Variants in DENND2A observed in about 807,000 individuals in gnomAD.
DENND2A encodes DENN domain containing 2A, also known as DENN domain-containing protein 2A.
A neutral mutation model predicts 105.3 loss-of-function variants in DENND2A; 53 were observed. That is an observed-to-expected ratio of 0.50 (90% CI 0.40 to 0.63). DENND2A has a LOEUF of 0.63. Ranked by LOEUF, DENND2A falls within the 30% of genes least tolerant of loss-of-function variation. The pLI, the probability that DENND2A is intolerant of heterozygous loss-of-function variation, is 0.00. For synonymous variants in DENND2A, 522 were observed against 508.4 expected, an observed-to-expected ratio of 1.03 and a Z score of -0.36; for missense variants, 1,138 against 1,279.6, an observed-to-expected ratio of 0.89 and a Z score of 1.69.
intron 3 of DENND2A, among the ~76,000 whole-genome samples, chr7:140,598,908 A>T (rs1238870377): frequency 6.6e-6 from 1 of 152,218 alleles, no homozygotes; most frequent in African/African-American, 2.4e-5. Context: ...GTTTATAATT[A>T]CTAAAAAGGA....
At chr7:140,585,485 A>C in intron 5 of DENND2A, 104 bp downstream of exon 5, 7 of 1,495,150 alleles carry the variant, frequency 4.7e-6, no homozygotes, top group Non-Finnish European at 6.4e-6. Context: ...CCGGCAGGGC[A>C]GGTGGAGGTG....
chr7:140,525,125 C>T lies in DENND2A; in HGVS notation c.2547+626G>A, dbSNP rs181703538. 2.7e-3 allele frequency among the ~76,000 whole-genome samples: 399 copies of T among 147,816 alleles called. 4 individuals carry two copies. Among genetic ancestry groups the T allele is most frequent in the African/African-American group, 9.3e-3 (368 of 39,714 alleles). ...TCACTTGAGGCCAGGAGTTTGAGACCGGCCTGGGCAACATAGTGAGACCCT... is the reference window on the plus strand; with the variant it reads ...TCACTTGAGGCCAGGAGTTTGAGACTGGCCTGGGCAACATAGTGAGACCCT... On this transcript the variant is annotated intron_variant, in intron 16 of 19. Transcript: ENST00000496613.
chr7:140,592,487 A>T (rs1209977376), intron 3 of DENND2A, among the ~76,000 whole-genome samples: 2 of 152,132 alleles, frequency 1.3e-5, no homozygotes, highest in Non-Finnish European at 2.9e-5. Context: ...CTGGGATTAC[A>T]GGTGAGAGCC....
At chr7:140,582,822 TGGTAC>T (rs1422186678) in intron 5 of DENND2A, among the ~76,000 whole-genome samples, 1 of 152,256 alleles carries the variant, frequency 6.6e-6, no homozygotes, top group African/African-American at 2.4e-5. Context: ...CCTTTGCAGC[TGGTAC>T]TTGGCCTTCC....
intron 5 of DENND2A, among the ~76,000 whole-genome samples, chr7:140,580,126 T>C (rs1264765870): frequency 6.6e-6 from 1 of 152,110 alleles, no homozygotes; most frequent in Non-Finnish European, 1.5e-5. Flanking sequence ...AATGTAAATC[T>C]ATTACAGAAA....
chr7:140,636,077 C>T (rs1029998756), intron 1 of DENND2A, among the ~76,000 whole-genome samples: 1 of 152,108 alleles, frequency 6.6e-6, no homozygotes, highest in African/African-American at 2.4e-5. Context: ...TCAAGAGAGT[C>T]TGGGGTACAA....
chr7:140,561,802 A>C (rs1797630573), intron 9 of DENND2A, among the ~76,000 whole-genome samples: 1 of 151,818 alleles, frequency 6.6e-6, no homozygotes, highest in African/African-American at 2.4e-5. Context: ...GGCATGAGCC[A>C]CGGTGTTTGG....
At chr7:140,626,536 A>C (rs1800539499) in intron 1 of DENND2A, among the ~76,000 whole-genome samples, 1 of 152,090 alleles carries the variant, frequency 6.6e-6, no homozygotes, top group African/African-American at 2.4e-5. Flanking sequence ...AATGGAATGC[A>C]CCCGTAGGTC....
Position 140,527,817 on chromosome 7 carries a change from A to ATTAT in DENND2A, c.2328-326_2328-323dup, listed in dbSNP as rs1554459356. Among the ~76,000 whole-genome samples, 14 of 109,832 alleles carry ATTAT rather than the reference A, an allele frequency of 1.3e-4. No individual in the cohort carries two copies. The highest frequency in any genetic ancestry group is 7.7e-4 in the South Asian group (3 of 3,916). The allele number at this position is 109,832 out of a possible 152,430, so 72.1% of individuals were successfully genotyped here. On this transcript the variant is annotated intron_variant, in intron 14 of 19. Coordinates refer to ENST00000496613, the MANE Select transcript of DENND2A (RefSeq NM_015689.5). This position sits in a 1 kb window ranked among gnomAD's most constrained non-coding sequence, Gnocchi z 4.9. The stretch of plus-strand genomic sequence containing the variant: ...CTATACTCTTGTAAGGTTTTTATTT[A>ATTAT]TTATTTATTTATTTATTTATATTTT...
chr7:140,552,978 TA>T (rs1232702731), intron 12 of DENND2A, among the ~76,000 whole-genome samples: 1 of 152,154 alleles, frequency 6.6e-6, no homozygotes, highest in Non-Finnish European at 1.5e-5. Flanking sequence ...GAAATGCTTT[TA>T]GGGGTGAAGG....
chr7:140,582,724 C>T (rs1798593858), intron 5 of DENND2A, among the ~76,000 whole-genome samples: 1 of 152,136 alleles, frequency 6.6e-6, no homozygotes, highest in East Asian at 1.9e-4. Flanking sequence ...CCCCACCTGC[C>T]AGCGATGCTG....
chr7:140,539,784 G>A (rs1237506445), intron 14 of DENND2A, among the ~76,000 whole-genome samples: 3 of 152,196 alleles, frequency 2.0e-5, no homozygotes, highest in Non-Finnish European at 2.9e-5. Flanking sequence ...TTGCTCACGC[G>A]TTGTTTACCC....
chr7:140,544,727 G>A lies in DENND2A; in HGVS notation c.2218C>T (p.His740Tyr). The change falls in exon 14 of 20, where the codon CAC becomes TAC. Residue 740 changes from histidine (H) to tyrosine (Y), a missense_variant. His to Tyr is a moderately conservative substitution (Grantham distance 83). Coordinates refer to ENST00000496613, the MANE Select transcript of DENND2A (RefSeq NM_015689.5). ...LCRPLDSRLE[H>Y]VDFESLFSSL... ...GAGAAGAGAGACTCAAAGTCCACGT[G>A]CTCGAGCCGGGAGTCCAGCGGGCGG... 6.2e-7 allele frequency: 1 copy of A among 1,604,588 alleles called. No homozygotes were observed. The highest frequency in any genetic ancestry group is 8.5e-7 in the Non-Finnish European group (1 of 1,175,840).
intron 2 of DENND2A, among the ~76,000 whole-genome samples, chr7:140,603,359 T>G (rs1409540925): frequency 6.6e-6 from 1 of 152,222 alleles, no homozygotes; most frequent in Non-Finnish European, 1.5e-5. Flanking sequence ...TTCCTGCTTT[T>G]CTTATCCACA....
intron 1 of DENND2A, among the ~76,000 whole-genome samples, chr7:140,635,726 C>T (rs961689548): frequency 7.2e-5 from 11 of 152,284 alleles, no homozygotes; most frequent in Admixed American, 3.3e-4. Context: ...GGGTCTCAGG[C>T]TTATCTGTTC....
intron 9 of DENND2A, among the ~76,000 whole-genome samples, chr7:140,561,628 C>T (rs1413136023): frequency 2.0e-5 from 3 of 149,868 alleles, no homozygotes; most frequent in East Asian, 2.0e-4. Flanking sequence ...CTCAGCCTCC[C>T]GAGTAGCTGG....
chr7:140,623,541 A>G (rs57021669), intron 1 of DENND2A, among the ~76,000 whole-genome samples: 46,502 of 151,254 alleles, frequency 0.31, 7,239 homozygotes, highest in Middle Eastern at 0.36. Context: ...CAGCCTGGCC[A>G]ACATGGTGAA....
intron 4 of DENND2A, among the ~76,000 whole-genome samples, chr7:140,586,246 C>G (rs190327633): frequency 6.6e-6 from 1 of 151,836 alleles, no homozygotes; most frequent in Non-Finnish European, 1.5e-5. Context: ...GGGCTGGGTG[C>G]GGTGGCTCAC....
intron 14 of DENND2A, among the ~76,000 whole-genome samples, chr7:140,531,204 C>T (rs1796251179): frequency 6.6e-6 from 1 of 152,194 alleles, no homozygotes; most frequent in African/African-American, 2.4e-5. Flanking sequence ...ACTGAATTCA[C>T]TTTGTTCTAA....
Sources: allele counts gnomAD v4.1 joint callset (sites outside exome capture counted in the v4.1 genomes callset), GRCh38; gene constraint gnomAD v4.1.1; non-coding constraint Gnocchi (gnomAD v3.1); transcripts MANE v1.5; gene names NCBI Gene and HGNC (gene_info 2026-07-23, HGNC 2026-07-21).